Variants in ZBED6 observed in about 807,000 individuals in gnomAD.
ZBED6 encodes the protein zinc finger BED domain-containing protein 6.
A neutral mutation model predicts 58.4 loss-of-function variants in ZBED6; 40 were observed. The ratio of observed to expected loss-of-function variants is 0.68; its 90% CI spans 0.53 to 0.89. The LOEUF is 0.89. ZBED6 is among the 40% of genes least tolerant of loss of function. The pLI is 0.00. For synonymous variants in ZBED6, 439 were observed against 350.6 expected (o/e 1.25, Z -2.82); for missense variants, 1,057 against 1,003.9 (o/e 1.05, Z -0.71).
At chr1:203,842,929 T>TG (rs1686872713) in intron 11 of ZBED6, among the ~76,000 whole-genome samples, 1 of 151,712 alleles carries the variant, frequency 6.6e-6, no homozygotes, top group South Asian at 2.1e-4. Flanking sequence ...TCCGTCTTTT[T>TG]TTTTTTAATA....
chr1:203,797,228 A>G (rs1237770447), exon 1 of ZBED6: 1 of 194,750 alleles, frequency 5.1e-6, no homozygotes, highest in Non-Finnish European at 1.0e-5. Flanking sequence ...GACTCTGGGA[A>G]AGGGGGACTC....
intron 1 of ZBED6, among the ~76,000 whole-genome samples, chr1:203,805,345 C>G (rs1671963110): frequency 6.6e-6 from 1 of 151,896 alleles, no homozygotes; most frequent in Non-Finnish European, 1.5e-5. Flanking sequence ...GTTGGCCAGG[C>G]TGGTCTCGAA....
At chr1:203,818,501 CTTG>C in intron 2 of ZBED6, 66 bp from the exon 3 acceptor site, 1 of 1,600,244 alleles carries the variant, frequency 6.2e-7, no homozygotes, top group Non-Finnish European at 8.5e-7. Flanking sequence ...TCCAGGAGCT[CTTG>C]TTATGGATAT....
chr1:203,825,585 C>T (rs907100019), intron 3 of ZBED6, among the ~76,000 whole-genome samples: 2 of 151,992 alleles, frequency 1.3e-5, no homozygotes, highest in Admixed American at 6.6e-5. Flanking sequence ...CAGGCGCCCT[C>T]CACCATGCCC....
chr1:203,809,200 G>A (rs1673455209), intron 1 of ZBED6, among the ~76,000 whole-genome samples: 1 of 102,248 alleles, frequency 9.8e-6, no homozygotes, highest in African/African-American at 3.8e-5. Context: ...TTTTGAGATG[G>A]AGTCTTGCTT....
chr1:203,850,987 A>G, intron 15 of ZBED6, 70 bp from the exon 16 acceptor site: 5 of 1,552,336 alleles, frequency 3.2e-6, no homozygotes, highest in Non-Finnish European at 4.4e-6. Flanking sequence ...AGAAGGCAGC[A>G]AAAGAAAATG....
chr1:203,806,012 A>G (rs1571944948), intron 1 of ZBED6: 1 of 556,058 alleles, frequency 1.8e-6, no homozygotes, highest in East Asian at 4.4e-5. Flanking sequence ...TTCATGTTGA[A>G]TGACTCTTGG....
chr1:203,799,806 A>G, exon 1 of ZBED6: 1 of 1,352,736 alleles, frequency 7.4e-7, no homozygotes, highest in Non-Finnish European at 1.0e-6. Flanking sequence ...GCTTAAATCC[A>G]AGCCCTGTAT....
rs141889624 is a variant in ZBED6 at position 203,839,885 on chromosome 1, C to T, written c.*3673-421C>T. Among the ~76,000 whole-genome samples the T allele has an allele frequency of 1.9e-3, 285 of 152,262 alleles. 2 individuals carry two copies. The highest frequency in any genetic ancestry group is 6.5e-3 in the African/African-American group (270 of 41,542). ...GTAGCGCTATCTCAGCTCACCCCAA[C>T]CTCCACCTCCCGGGTTCAAACGATT... On this transcript the variant is annotated intron_variant, in intron 10 of 16. Coordinates refer to ENST00000550078, the Ensembl canonical transcript of ZBED6.
chr1:203,815,972 T>C (rs74138768), intron 1 of ZBED6, among the ~76,000 whole-genome samples: 4,011 of 152,302 alleles, frequency 0.026, 177 homozygotes, highest in African/African-American at 0.09. Flanking sequence ...ATCACTATTA[T>C]GGAAAGCCCC....
intron 1 of ZBED6, among the ~76,000 whole-genome samples, chr1:203,815,846 C>G (rs1676192005): frequency 6.6e-6 from 1 of 152,172 alleles, no homozygotes; most frequent in South Asian, 2.1e-4. Flanking sequence ...GAAACCCTTT[C>G]CATATTCTCG....
At chr1:203,839,259 G>A (rs143743763) in intron 10 of ZBED6, among the ~76,000 whole-genome samples, 54 of 152,306 alleles carry the variant, frequency 3.5e-4, no homozygotes, top group African/African-American at 1.2e-3. Context: ...TGCCTAGGCT[G>A]GATTCAAATT....
At chr1:203,846,409 T>A (rs1246364938) in intron 11 of ZBED6, among the ~76,000 whole-genome samples, 1 of 152,192 alleles carries the variant, frequency 6.6e-6, no homozygotes, top group Non-Finnish European at 1.5e-5. Flanking sequence ...TGCATTTTTC[T>A]TCTATCTTGT....
At chr1:203,848,616 G>A (rs11806103) in intron 13 of ZBED6, among the ~76,000 whole-genome samples, 27,231 of 152,102 alleles carry the variant, frequency 0.18, 2,575 homozygotes, top group Middle Eastern at 0.26. Context: ...TGCCGGGCGC[G>A]GTGGCTCACG....
At chr1:203,852,645 C>G in exon 17 of ZBED6, 2 of 502,902 alleles carry the variant, frequency 4.0e-6, no homozygotes, top group South Asian at 4.4e-5. Flanking sequence ...TTCTGTCATA[C>G]CCTTCTCTCC....
intron 1 of ZBED6, among the ~76,000 whole-genome samples, chr1:203,807,935 T>C (rs1207800962): frequency 1.3e-5 from 2 of 151,846 alleles, no homozygotes; most frequent in Non-Finnish European, 2.9e-5. Flanking sequence ...AGAAACTAGG[T>C]CTCATTATGT....
At chr1:203,827,160 A>T (rs1285283835) in intron 3 of ZBED6, among the ~76,000 whole-genome samples, 1 of 152,176 alleles carries the variant, frequency 6.6e-6, no homozygotes, top group Non-Finnish European at 1.5e-5. Context: ...CTGTTGTACG[A>T]ATACTTTACA....
intron 4 of ZBED6, 47 bp from the exon 5 acceptor site, chr1:203,829,404 G>A: frequency 2.5e-6 from 4 of 1,603,084 alleles, no homozygotes; most frequent in Non-Finnish European, 3.4e-6. Context: ...TGGTAAGTTG[G>A]GGTTGTATCT....
intron 7 of ZBED6, 47 bp from the exon 8 acceptor site, chr1:203,831,614 A>G: frequency 2.6e-6 from 4 of 1,539,026 alleles, no homozygotes; most frequent in East Asian, 2.3e-5. Context: ...TTGGGATAGC[A>G]TTATTTTCCA....
Sources: gnomAD v4.1 joint callset for allele counts (sites outside exome capture counted in the v4.1 genomes callset) on GRCh38, gnomAD v4.1.1 for gene constraint, MANE v1.5 for transcripts, NCBI Gene and HGNC (gene_info 2026-07-23, HGNC 2026-07-21) for gene names.